Variants in CACNG5 observed in about 807,000 individuals in gnomAD.
CACNG5 encodes voltage-dependent calcium channel gamma-5 subunit.
A neutral mutation model predicts 24.8 loss-of-function variants in CACNG5; 18 were observed. The ratio of observed to expected loss-of-function variants is 0.73; its 90% CI spans 0.50 to 1.08. The LOEUF (loss-of-function observed/expected upper bound fraction) is 1.08, where lower values mean the gene tolerates loss of function less well. Ranked by LOEUF, CACNG5 falls within the 50% of genes least tolerant of loss-of-function variation. The pLI, the probability that CACNG5 is intolerant of heterozygous loss-of-function variation, is 0.00. For missense variants in CACNG5, 349 were observed against 367.9 expected (o/e 0.95, Z 0.42); for synonymous variants, 157 against 149.1 (o/e 1.05, Z -0.39).
chr17:66,864,163 TGCCTATATCCAGTCA>T (rs1347059113), intron 1 of CACNG5, among the ~76,000 whole-genome samples: 1 of 152,182 alleles, frequency 6.6e-6, no homozygotes, highest in Non-Finnish European at 1.5e-5. Flanking sequence ...AGGAGAAGGT[TGCCTATATCCAGTCA>T]TGAATTGAGC....
rs140337972 is a variant in CACNG5, at chr17:66,894,621, C to T, written c.*9381C>T. 2.5e-4 allele frequency among the ~76,000 whole-genome samples: 38 copies of T among 151,736 alleles called. No individual in the cohort carries two copies. In the East Asian group the frequency reaches 7.0e-3, roughly 28 times the overall value. Reference sequence around the variant, plus strand: ...TTTATTCATTCATTCATTTTTTTTCCTTCCCCCTCCACCCCATGAGCAACC... The same window carrying T: ...TTTATTCATTCATTCATTTTTTTTCTTTCCCCCTCCACCCCATGAGCAACC... On this transcript the variant is annotated 3_prime_UTR_variant, in exon 6 of 6. Transcript: ENST00000533854.
intron 2 of CACNG5, among the ~76,000 whole-genome samples, chr17:66,878,397 G>A (rs1453928881): frequency 2.0e-5 from 3 of 152,236 alleles, no homozygotes; most frequent in Admixed American, 6.5e-5. Flanking sequence ...AGCTTTGGGG[G>A]ATGGAGTGGG....
intron 1 of CACNG5, among the ~76,000 whole-genome samples, chr17:66,842,833 G>A (rs531784054): frequency 1.1e-4 from 17 of 152,210 alleles, no homozygotes; most frequent in Non-Finnish European, 2.5e-4. Flanking sequence ...ACCAGGTGAT[G>A]TGCCTACAAG....
intron 1 of CACNG5, among the ~76,000 whole-genome samples, chr17:66,846,919 C>T (rs913340673): frequency 9.8e-5 from 15 of 152,334 alleles, no homozygotes; most frequent in South Asian, 2.1e-4. Context: ...TCCACATCCT[C>T]GCCAAAACTT....
At position 66,877,423 on chromosome 17, in the gene CACNG5, G is replaced by A. The variant is rs186020432; in HGVS notation, c.91G>A (p.Asp31Asn). Residue 31 changes from aspartate to asparagine, a missense_variant, in exon 2 of 6, where the codon GAC becomes AAC. Coordinates refer to ENST00000533854, the MANE Select transcript of CACNG5 (RefSeq NM_145811.3). Reference protein sequence around the residue: ...LGLLGIAVSTDYWLYLEEGVI... With the variant: ...LGLLGIAVSTNYWLYLEEGVI... The stretch of plus-strand genomic sequence containing the variant: ...CCTCCTGGGTATCGCGGTCAGCACC[G>A]ACTACTGGCTGTACCTGGAGGAGGG... 20 of 1,614,128 alleles carry A rather than the reference G, an allele frequency of 1.2e-5. No individual in the cohort carries two copies. The highest frequency in any genetic ancestry group is 1.6e-4 in the Middle Eastern group (1 of 6,062).
At chr17:66,854,669 G>A (rs944260674) in intron 1 of CACNG5, among the ~76,000 whole-genome samples, 1 of 152,012 alleles carries the variant, frequency 6.6e-6, no homozygotes, top group Non-Finnish European at 1.5e-5. Flanking sequence ...ACTCCAGCCT[G>A]GGAAACAAGA....
In CACNG5 at chr17:66,879,088, C is replaced by A. The variant is rs752737597; in HGVS notation, c.283+30C>A. 14 of 1,549,704 alleles carry A rather than the reference C, an allele frequency of 9.0e-6. 1 individual carries two copies. Among genetic ancestry groups the A allele is most frequent in the Middle Eastern group, 1.7e-4 (1 of 5,758 alleles). ...GTGCCTTGAGTCTGGCAACCTGGGC[C>A]ACTGGCTGGACAGAGAGGAGCAAGG... is the stretch of plus-strand genomic sequence containing the variant. On this transcript the variant is annotated intron_variant, in intron 3 of 5. Coordinates refer to ENST00000533854, the MANE Select transcript of CACNG5 (RefSeq NM_145811.3).
intron 1 of CACNG5, among the ~76,000 whole-genome samples, chr17:66,845,343 TA>T (rs911620183): frequency 1.3e-5 from 2 of 151,794 alleles, no homozygotes; most frequent in African/African-American, 4.8e-5. Context: ...ACCTAATGCA[TA>T]TGGGGCTTAA....
At chr17:66,864,488 C>T (rs776134826) in intron 1 of CACNG5, among the ~76,000 whole-genome samples, 7 of 152,210 alleles carry the variant, frequency 4.6e-5, no homozygotes, top group Non-Finnish European at 1.0e-4. Flanking sequence ...CAGTTATTGA[C>T]CTCTAAACTA....
rs866656684 is a variant in CACNG5 at position 66,850,603 on chromosome 17, C to T, written c.-104+15353C>T. On this transcript the variant is annotated intron_variant, in intron 1 of 5. Coordinates refer to ENST00000533854, the MANE Select transcript of CACNG5 (RefSeq NM_145811.3). ...ATATATACATACACAAATACATACA[C>T]ACACACACACACACACACAATGCAG... Among the ~76,000 whole-genome samples the T allele has an allele frequency of 7.8e-3, 1,172 of 150,240 alleles. 13 individuals are homozygous for T. Among genetic ancestry groups the T allele is most frequent in the African/African-American group, 0.027 (1,105 of 41,090 alleles).
chr17:66,885,390 C>A lies in CACNG5; in HGVS notation c.*150C>A. The A allele has an allele frequency of 1.1e-6, 1 of 925,250 alleles. No individual in the cohort carries two copies. The highest frequency in any genetic ancestry group is 1.6e-6 in the Non-Finnish European group (1 of 632,184). 57.3% of individuals were successfully genotyped at this position (925,250 alleles called of 1,614,324 possible). A position where few individuals can be genotyped will look rare whatever the true frequency, so the allele number is the denominator to read the frequency against. On this transcript the variant is annotated 3_prime_UTR_variant, in exon 6 of 6. Coordinates refer to ENST00000533854, the MANE Select transcript of CACNG5 (RefSeq NM_145811.3). ...CTTGACCCCAGTCCTCTCCCTGCTT[C>A]TCCAGAAGGGCTCTAACTGCCCCAG...
At chr17:66,878,454 G>T (rs921917140) in intron 2 of CACNG5, among the ~76,000 whole-genome samples, 2 of 152,242 alleles carry the variant, frequency 1.3e-5, no homozygotes, top group Non-Finnish European at 2.9e-5. Flanking sequence ...TCAAGGTGTT[G>T]AGTCTGCCAT....
Position 66,894,172 on chromosome 17 carries a change from C to T in CACNG5, c.*8932C>T, listed in dbSNP as rs1276153464. On this transcript the variant is annotated 3_prime_UTR_variant, in exon 6 of 6. Transcript: ENST00000533854. ...AACCCATCAATTGCACCTCCTCACT[C>T]ATGTCCTTCCAGGTGTGGGGACTGT... Among the ~76,000 whole-genome samples, 2 of 152,180 alleles carry T rather than the reference C, an allele frequency of 1.3e-5. No individual in the cohort carries two copies. Among genetic ancestry groups the T allele is most frequent in the African/African-American group, 4.8e-5 (2 of 41,444 alleles).
In CACNG5 at chr17:66,893,794, T is replaced by G. The variant is rs1281861160; in HGVS notation, c.*8554T>G. Among the ~76,000 whole-genome samples the G allele has an allele frequency of 7.2e-6, 1 of 139,366 alleles. No homozygotes were observed. Among genetic ancestry groups the G allele is most frequent in the Non-Finnish European group, 1.5e-5 (1 of 64,852 alleles). The allele number at this position is 139,366 out of a possible 152,430, so 91.4% of individuals were successfully genotyped here. ...GAAGAGATGTTTCATTTGTTCACAA[T>G]GTTTCCTGAAGCACTGGAAGCGTAA... is the stretch of plus-strand genomic sequence containing the variant. On this transcript the variant is annotated 3_prime_UTR_variant, in exon 6 of 6. Coordinates refer to ENST00000533854, the MANE Select transcript of CACNG5 (RefSeq NM_145811.3).
At chr17:66,861,233 C>T (rs1976853321) in intron 1 of CACNG5, among the ~76,000 whole-genome samples, 1 of 152,134 alleles carries the variant, frequency 6.6e-6, no homozygotes, top group Non-Finnish European at 1.5e-5. Context: ...CAAGTGGTAA[C>T]TCACATACAC....
intron 1 of CACNG5, among the ~76,000 whole-genome samples, chr17:66,847,901 G>A (rs138662110): frequency 6.6e-6 from 1 of 152,352 alleles, no homozygotes; most frequent in African/African-American, 2.4e-5. Flanking sequence ...ACCAAGGCCA[G>A]CTCCCTCCTT....
intron 2 of CACNG5, among the ~76,000 whole-genome samples, chr17:66,877,813 G>A (rs985674263): frequency 6.6e-6 from 1 of 152,218 alleles, no homozygotes; most frequent in African/African-American, 2.4e-5. Flanking sequence ...AGGACTGGAT[G>A]CCAATGACAC....
chr17:66,839,797 C>T (rs1221304388), intron 1 of CACNG5, among the ~76,000 whole-genome samples: 1 of 152,144 alleles, frequency 6.6e-6, no homozygotes, highest in Non-Finnish European at 1.5e-5. Flanking sequence ...GCATTCACTA[C>T]CTGCTAGGCA....
At chr17:66,858,683 C>A (rs932805428) in intron 1 of CACNG5, among the ~76,000 whole-genome samples, 1 of 143,946 alleles carries the variant, frequency 6.9e-6, no homozygotes, top group Admixed American at 6.9e-5. Context: ...CCCCCCCTCC[C>A]TCCCCCCACC....
Sources: allele counts gnomAD v4.1 joint callset (sites outside exome capture counted in the v4.1 genomes callset), GRCh38; gene constraint gnomAD v4.1.1; transcripts MANE v1.5; gene names NCBI Gene and HGNC (gene_info 2026-07-23, HGNC 2026-07-21).